KCNT1: variants seen among roughly 807,000 people sequenced by gnomAD.
KCNT1 encodes the protein potassium sodium-activated channel subfamily T member 1.
KCNT1 carries 78 observed loss-of-function variants against 147.8 expected under a neutral mutation model. The ratio of observed to expected loss-of-function variants is 0.53; its 90% CI spans 0.44 to 0.64. KCNT1 has a LOEUF of 0.64. KCNT1 is among the 30% of genes least tolerant of loss of function. The pLI is 0.00. For missense variants in KCNT1, 1,419 were observed against 1,750.3 expected (o/e 0.81, Z 3.38); for synonymous variants, 867 against 748.8 (o/e 1.16, Z -2.58).
intron 4 of KCNT1, 80 bp from the exon 5 acceptor site, chr9:135,753,857 C>T: frequency 6.7e-7 from 1 of 1,493,788 alleles, no homozygotes; most frequent in Non-Finnish European, 9.3e-7. Flanking sequence ...GAACCCGAGC[C>T]TGTGGAAGCC....
At position 135,714,653 on chromosome 9, in the gene KCNT1, C is replaced by G; in HGVS notation, c.187C>G (p.Pro63Ala). Residue 63 changes from proline (P) to alanine (A), a missense_variant, in exon 2 of 31, where the codon CCC becomes GCC. Physicochemically the swap from Pro to Ala is conservative, Grantham distance 27. This residue lies in a region of KCNT1 where 181 missense variants were observed against 155.7 expected (regional missense o/e 1.16). Coordinates refer to ENST00000371757, the MANE Select transcript of KCNT1 (RefSeq NM_020822.3). The surrounding 1 kb of genome is among the most constrained non-coding windows in gnomAD (Gnocchi z 6.2). ...GAGCGACCTGGACTCCGAGGTGCTG[C>G]CCTTGCCGCCGCGCTACCGCTTCCG... is the stretch of plus-strand genomic sequence containing the variant. ...KMSDLDSEVL[P>A]LPPRYRFRDL... 1 of 1,484,806 alleles carries G rather than the reference C, an allele frequency of 6.7e-7. No homozygotes were observed. Among genetic ancestry groups the G allele is most frequent in the Non-Finnish European group, 9.0e-7 (1 of 1,108,246 alleles). 92.0% of individuals were successfully genotyped at this position (1,484,806 alleles called of 1,614,324 possible). A position where few individuals can be genotyped will look rare whatever the true frequency, so the allele number is the denominator to read the frequency against.
At chr9:135,786,074 A>T in intron 28 of KCNT1, 123 bp from the exon 29 acceptor site, 1 of 807,868 alleles carries the variant, frequency 1.2e-6, no homozygotes, top group South Asian at 1.7e-5. Context: ...TAACACCCCC[A>T]GCTGCTCCCA....
intron 10 of KCNT1, 48 bp downstream of exon 10, chr9:135,758,556 C>A: frequency 6.7e-7 from 1 of 1,497,348 alleles, no homozygotes; most frequent in Non-Finnish European, 9.3e-7. Context: ...TGGGAGGGCC[C>A]GAGAGGCAAG....
Position 135,760,710 on chromosome 9 carries a change from C to T in KCNT1, c.1035+851C>T, listed in dbSNP as rs151128383. On this transcript the variant is annotated intron_variant, in intron 11 of 30. Transcript: ENST00000371757. ...GCCTGGCTCTTCTCCTCACTATATC[C>T]AAGCCAAAGCTGTGGCACCAGCTGT... Among the ~76,000 whole-genome samples, 118 of 152,356 alleles carry T rather than the reference C, an allele frequency of 7.7e-4. 1 individual carries two copies. In the East Asian group the frequency reaches 0.021, roughly 27 times the overall value.
At chr9:135,723,135 A>T (rs1835990876) in intron 2 of KCNT1, among the ~76,000 whole-genome samples, 1 of 152,240 alleles carries the variant, frequency 6.6e-6, no homozygotes, top group African/African-American at 2.4e-5. Context: ...CCTCCCCAGC[A>T]GTCAGTGACG....
chr9:135,739,532 C>A (rs573229105), intron 2 of KCNT1, among the ~76,000 whole-genome samples: 2 of 152,082 alleles, frequency 1.3e-5, no homozygotes, highest in African/African-American at 2.4e-5. Flanking sequence ...CCTGGCTGCT[C>A]CTCCATGCCC....
chr9:135,736,622 G>C (rs1371085241), intron 2 of KCNT1: 1 of 160,826 alleles, frequency 6.2e-6, no homozygotes, highest in Non-Finnish European at 1.3e-5. Flanking sequence ...CGCGCCGAGC[G>C]CTCCCGCAGG....
intron 2 of KCNT1, among the ~76,000 whole-genome samples, chr9:135,715,640 A>C (rs1168894516): frequency 3.9e-5 from 6 of 152,240 alleles, no homozygotes; most frequent in Admixed American, 3.9e-4. Flanking sequence ...CACAAAGTAC[A>C]CGAGGTTGAA....
intron 11 of KCNT1, among the ~76,000 whole-genome samples, chr9:135,760,595 TC>T (rs1831850259): frequency 1.3e-5 from 2 of 152,232 alleles, no homozygotes; most frequent in South Asian, 4.1e-4. Flanking sequence ...AGGGCAGTGC[TC>T]CTAGGGAGCC....
chr9:135,730,868 C>G lies in KCNT1; in HGVS notation c.254+16148C>G, dbSNP rs1349542943. Among the ~76,000 whole-genome samples, 1 of 151,762 alleles carries G rather than the reference C, an allele frequency of 6.6e-6. No individual in the cohort carries two copies. The highest frequency in any genetic ancestry group is 1.5e-5 in the Non-Finnish European group (1 of 67,950). The stretch of plus-strand genomic sequence containing the variant: ...GAGCATGGTGGTGCATGCCTGTAGT[C>G]CCAGCTACTTGGGAAGCTGAGGCAG... On this transcript the variant is annotated intron_variant, in intron 2 of 30. Transcript: ENST00000371757. The surrounding 1 kb of genome is among the most constrained non-coding windows in gnomAD (Gnocchi z 4.7).
chr9:135,731,983 TATATATATAGAGAG>T (rs1256587238), intron 2 of KCNT1, among the ~76,000 whole-genome samples: 35 of 24,894 alleles, frequency 1.4e-3, no homozygotes, highest in African/African-American at 4.1e-3. Flanking sequence ...TATATATATA[TATATATATAGAGAG>T]AGAGAGAGAG....
At chr9:135,740,145 T>G (rs10858158) in intron 2 of KCNT1, among the ~76,000 whole-genome samples, 20,978 of 152,142 alleles carry the variant, frequency 0.14, 1,619 homozygotes, top group South Asian at 0.17. Context: ...TGGCCTCACT[T>G]TACCTTAATG....
At chr9:135,732,026 A>AGAGAGAGAGAGAGAGG (rs71384016) in intron 2 of KCNT1, among the ~76,000 whole-genome samples, 2 of 131,742 alleles carry the variant, frequency 1.5e-5, no homozygotes, top group East Asian at 2.3e-4. Context: ...AGAGAGAGAG[A>AGAGAGAGAGAGAGAGG]GAGAGAGAGA....
At chr9:135,738,707 T>C (rs899643559) in intron 2 of KCNT1, among the ~76,000 whole-genome samples, 6 of 152,138 alleles carry the variant, frequency 3.9e-5, no homozygotes, top group African/African-American at 1.4e-4. Flanking sequence ...TTGCTCCTGG[T>C]GCCCCTGCCC....
chr9:135,765,104 C>T lies in KCNT1; in HGVS notation c.1109C>T (p.Thr370Met), dbSNP rs1284049151. Reference sequence around the variant, plus strand: ...AACTACAGCCGCCACCGTGCGCAGACGGAGAAGCACGTGGTCCTGTGTGTC... The same window carrying T: ...AACTACAGCCGCCACCGTGCGCAGATGGAGAAGCACGTGGTCCTGTGTGTC... ...GGNYSRHRAQ[T>M]EKHVVLCVSS... is the part of the protein sequence containing the mutation. Residue 370 changes from threonine (T) to methionine (M), a missense_variant, in exon 12 of 31, where the codon ACG becomes ATG. Around this residue, in one of 5 missense-constraint regions of KCNT1, gnomAD observed 401 missense variants for 610.6 expected, o/e 0.66. Coordinates refer to ENST00000371757, the MANE Select transcript of KCNT1 (RefSeq NM_020822.3). 3.7e-6 allele frequency: 6 copies of T among 1,613,510 alleles called. No homozygotes were observed. The highest frequency in any genetic ancestry group is 1.7e-4 in the Middle Eastern group (1 of 6,058).
rs1362410976 is a variant in KCNT1, at chr9:135,757,397, G to A, written c.759+16G>A. On this transcript the variant is annotated intron_variant, in intron 9 of 30. Transcript: ENST00000371757. The stretch of plus-strand genomic sequence containing the variant: ...AAACATGATTGTAAGCCGGGGCGGG[G>A]GGTGCAGCTGGGACTTGGGGGGGCC... 1 of 1,602,802 alleles carries A rather than the reference G, an allele frequency of 6.2e-7. No homozygotes were observed.
chr9:135,759,887 T>G, intron 11 of KCNT1, 28 bp downstream of exon 11: 1 of 1,569,782 alleles, frequency 6.4e-7, no homozygotes, highest in Non-Finnish European at 8.7e-7. Flanking sequence ...CAGCCCTGGG[T>G]GGCACCAGCA....
chr9:135,721,382 C>A (rs558378980), intron 2 of KCNT1, among the ~76,000 whole-genome samples: 1 of 152,300 alleles, frequency 6.6e-6, no homozygotes, highest in East Asian at 1.9e-4. Context: ...CAGGGAGGGG[C>A]CAGGTGGGAT....
At chr9:135,784,229 G>A (rs1036526765) in intron 25 of KCNT1, 104 bp downstream of exon 25, 3 of 919,204 alleles carry the variant, frequency 3.3e-6, no homozygotes, top group South Asian at 2.7e-5. Flanking sequence ...GACTCCCTCT[G>A]AATGACCTTC....
Sources: gnomAD v4.1 joint callset for allele counts (sites outside exome capture counted in the v4.1 genomes callset) on GRCh38, gnomAD v4.1.1 for gene constraint, gnomAD v4.1.1 regional missense constraint, Gnocchi (gnomAD v3.1) non-coding constraint, MANE v1.5 for transcripts, NCBI Gene and HGNC (gene_info 2026-07-23, HGNC 2026-07-21) for gene names.